The following NAV1 variants were observed in gnomAD, a reference collection of about 807,000 sequenced individuals.
NAV1 encodes pore membrane and/or filament interacting like protein 3.
NAV1 carries 18 observed loss-of-function variants against 175.2 expected under a neutral mutation model. The observed-to-expected ratio is 0.10, with a 90% CI of 0.07 to 0.15. The LOEUF (loss-of-function observed/expected upper bound fraction) is 0.15. NAV1 is among the 10% of genes least tolerant of loss of function. The pLI is 1.00. For synonymous variants in NAV1, 897 were observed against 978.7 expected (o/e 0.92, Z 1.56); for missense variants, 1,731 against 2,436.6 (o/e 0.71, Z 6.10).
chr1:201,559,740 T>G (rs1346357521), intron 1 of NAV1, among the ~76,000 whole-genome samples: 1 of 152,192 alleles, frequency 6.6e-6, no homozygotes, highest in African/African-American at 2.4e-5. Flanking sequence ...CAATAGGTGC[T>G]TAATAAAGGC....
chr1:201,786,521 C>G, exon 9 of NAV1: 1 of 1,614,008 alleles, frequency 6.2e-7, no homozygotes. Flanking sequence ...TCAGAGCTGC[C>G]TTCTCCCCCT....
upstream of NAV1, among the ~76,000 whole-genome samples, chr1:201,619,484 T>G (rs1363489930): frequency 6.6e-6 from 1 of 152,240 alleles, no homozygotes; most frequent in African/African-American, 2.4e-5. Flanking sequence ...AGGGATGGTC[T>G]AGGGTGCATA....
chr1:201,548,136 T>C (rs913568258), intron 1 of NAV1, among the ~76,000 whole-genome samples: 3 of 152,194 alleles, frequency 2.0e-5, no homozygotes, highest in African/African-American at 4.8e-5. Context: ...CTGTCCCCAT[T>C]TGACAGAGGA....
chr1:201,600,808 T>G (rs1168233189), intron 2 of NAV1, among the ~76,000 whole-genome samples: 1 of 152,206 alleles, frequency 6.6e-6, no homozygotes, highest in Non-Finnish European at 1.5e-5. Flanking sequence ...AGATCAAGTT[T>G]GTCCTGGGAT....
intron 1 of NAV1, among the ~76,000 whole-genome samples, chr1:201,566,666 T>C (rs1008629661): frequency 3.3e-5 from 5 of 152,114 alleles, no homozygotes; most frequent in African/African-American, 4.8e-5. Flanking sequence ...GGTTCCTTTT[T>C]CTCCCTAAAT....
intron 1 of NAV1, among the ~76,000 whole-genome samples, chr1:201,702,355 T>C (rs1308633563): frequency 6.6e-6 from 1 of 152,142 alleles, no homozygotes; most frequent in Non-Finnish European, 1.5e-5. Flanking sequence ...GAACTGTACA[T>C]TTTATTTGTT....
chr1:201,659,513 A>G (rs1442647435), intron 1 of NAV1, among the ~76,000 whole-genome samples: 1 of 152,196 alleles, frequency 6.6e-6, no homozygotes, highest in African/African-American at 2.4e-5. Context: ...CTAGCTGCTC[A>G]GGAGGCTTAG....
chr1:201,575,530 G>A (rs571028117), intron 1 of NAV1, among the ~76,000 whole-genome samples: 29 of 152,314 alleles, frequency 1.9e-4, no homozygotes, highest in Non-Finnish European at 3.8e-4. Context: ...TCTACATCAG[G>A]GAGGCGTGTC....
At chr1:201,640,249 C>A (rs76440197) in intron 2 of NAV1, among the ~76,000 whole-genome samples, 1 of 152,154 alleles carries the variant, frequency 6.6e-6, no homozygotes, top group Non-Finnish European at 1.5e-5. Flanking sequence ...GAGGGTGAGC[C>A]GGGGACCTGC....
chr1:201,629,272 C>T (rs977622584), intron 1 of NAV1, 132 bp from the exon 4 acceptor site: 10 of 455,086 alleles, frequency 2.2e-5, no homozygotes, highest in Non-Finnish European at 3.7e-5. Context: ...CAGGGAGGGG[C>T]TGGCCCTGAG....
intron 15 of NAV1, chr1:201,797,660 T>A (rs1677544405): frequency 6.6e-6 from 1 of 152,252 alleles, no homozygotes; most frequent in East Asian, 1.9e-4. Flanking sequence ...ATCTAAATAT[T>A]CTTTCATTTC....
chr1:201,629,548 C>T (rs1441259408), intron 2 of NAV1, 41 bp downstream of exon 4: 3 of 1,260,632 alleles, frequency 2.4e-6, no homozygotes, highest in Non-Finnish European at 2.1e-6. Context: ...GGTCGGGAGG[C>T]CACTGTGCTA....
At chr1:201,634,923 A>T (rs1037962860) in intron 2 of NAV1, among the ~76,000 whole-genome samples, 3 of 152,182 alleles carry the variant, frequency 2.0e-5, no homozygotes, top group African/African-American at 7.2e-5. Context: ...GAAATCAAGA[A>T]ATCTTGGCAA....
At chr1:201,802,625 GA>G (rs1678007319) in intron 15 of NAV1, among the ~76,000 whole-genome samples, 1 of 150,644 alleles carries the variant, frequency 6.6e-6, no homozygotes, top group South Asian at 2.1e-4. Flanking sequence ...CTAAAAATAC[GA>G]AAAAATTAGT....
In NAV1 at chr1:201,648,328, G is replaced by A. The variant is rs577849938; in HGVS notation, c.-341G>A. 7 of 1,168,910 alleles carry A rather than the reference G, an allele frequency of 6.0e-6. No individual in the cohort carries two copies. The African/African-American group carries it at 1.1e-4, about 19-fold the overall frequency. 72.4% of individuals were successfully genotyped at this position (1,168,910 alleles called of 1,614,324 possible). On this transcript the variant is annotated 5_prime_UTR_variant, in exon 1 of 30. Coordinates refer to ENST00000367296, the Ensembl canonical transcript of NAV1. ...AGCACCGCTGGGCGCCGGAGGAGCC[G>A]CGGGGCTTCCATCCTTCCTTTGACT...
At chr1:201,730,639 CTGGAATGCCCT>C (rs1359916583) in intron 3 of NAV1, among the ~76,000 whole-genome samples, 1 of 152,250 alleles carries the variant, frequency 6.6e-6, no homozygotes, top group Non-Finnish European at 1.5e-5. Context: ...AGACCCCCTC[CTGGAATGCCCT>C]TACATGACCT....
At chr1:201,663,221 G>A (rs886363339) in intron 1 of NAV1, among the ~76,000 whole-genome samples, 3 of 152,256 alleles carry the variant, frequency 2.0e-5, no homozygotes, top group African/African-American at 7.2e-5. Context: ...TTTGGCAAAG[G>A]TTTTAAGGTT....
chr1:201,809,006 G>T, intron 20 of NAV1, 135 bp downstream of exon 24: 1 of 1,301,682 alleles, frequency 7.7e-7, no homozygotes, highest in Non-Finnish European at 1.1e-6. Flanking sequence ...CTAAGACACT[G>T]AGTTGTAATG....
At chr1:201,768,418 G>A (rs1256810795) in intron 3 of NAV1, among the ~76,000 whole-genome samples, 2 of 151,132 alleles carry the variant, frequency 1.3e-5, no homozygotes, top group Non-Finnish European at 2.9e-5. Context: ...CAGGCAGATC[G>A]CTTGAGCTCA....
Sources: allele counts gnomAD v4.1 joint callset (sites outside exome capture counted in the v4.1 genomes callset), GRCh38; gene constraint gnomAD v4.1.1; transcripts MANE v1.5; gene names NCBI Gene and HGNC (gene_info 2026-07-23, HGNC 2026-07-21).